Variants in AGTPBP1 observed in about 807,000 individuals in gnomAD.
AGTPBP1 encodes the protein cytosolic carboxypeptidase 1.
Under a neutral mutation model 143.9 loss-of-function variants are expected in AGTPBP1, and 70 were observed. The observed-to-expected ratio is 0.49, with a 90% CI of 0.40 to 0.59. The LOEUF (loss-of-function observed/expected upper bound fraction) is 0.59, where lower values mean the gene tolerates loss of function less well. Ranked by LOEUF, AGTPBP1 falls within the 20% of genes least tolerant of loss-of-function variation. The pLI, the probability that AGTPBP1 is intolerant of heterozygous loss-of-function variation, is 0.00. For missense variants in AGTPBP1, 1,229 were observed against 1,464.5 expected, an observed-to-expected ratio of 0.84 and a Z score of 2.62; for synonymous variants, 463 against 500.2, an observed-to-expected ratio of 0.93 and a Z score of 0.99.
rs554108209 is a variant in AGTPBP1, at chr9:85,612,108, T to C, written c.2335+6875A>G. Among the ~76,000 whole-genome samples, 20 of 152,322 alleles carry C rather than the reference T, an allele frequency of 1.3e-4. No individual in the cohort carries two copies. The South Asian group carries it at 3.5e-3, about 27-fold the overall frequency. On this transcript the variant is annotated intron_variant, in intron 17 of 25. Transcript: ENST00000357081. ...GTGCCAGAAACATCTTTTGTTCTAA[T>C]ATTTGGTCTTTGACCCCACTCCCTG...
At chr9:85,606,794 C>G (rs1027598077) in intron 17 of AGTPBP1, among the ~76,000 whole-genome samples, 4 of 151,912 alleles carry the variant, frequency 2.6e-5, no homozygotes, top group Admixed American at 6.6e-5. Flanking sequence ...TGAAATAAAC[C>G]AGGCATAGAA....
rs1832582585 is a variant in AGTPBP1 at position 85,642,914 on chromosome 9, TTTG to T, written c.1212_1214del (p.Asn404del). 3 of 1,613,340 alleles carry T rather than the reference TTTG, an allele frequency of 1.9e-6. No homozygotes were observed. Among genetic ancestry groups the T allele is most frequent in the Non-Finnish European group, 2.5e-6 (3 of 1,179,640 alleles). ...GTCCCGGTTCTTGCTGGGGTTTTAG[TTTG>T]TTAATATCTGTTTCAATATCATCAT... On this transcript the variant is annotated inframe_deletion, in exon 13 of 26. Coordinates refer to ENST00000357081, the MANE Select transcript of AGTPBP1 (RefSeq NM_001330701.2).
intron 7 of AGTPBP1, among the ~76,000 whole-genome samples, chr9:85,670,878 C>T (rs1375161988): frequency 6.6e-6 from 1 of 151,996 alleles, no homozygotes; most frequent in Non-Finnish European, 1.5e-5. Flanking sequence ...TACTGTATTC[C>T]TTTGACCTTG....
chr9:85,690,542 C>T (rs1218285610), intron 3 of AGTPBP1, among the ~76,000 whole-genome samples: 11 of 127,746 alleles, frequency 8.6e-5, no homozygotes, highest in African/African-American at 9.0e-5. Flanking sequence ...GTCAGGAGTA[C>T]TTTCAGTGGT....
At chr9:85,618,005 C>T (rs954872747) in intron 17 of AGTPBP1, among the ~76,000 whole-genome samples, 1 of 152,086 alleles carries the variant, frequency 6.6e-6, no homozygotes, top group Non-Finnish European at 1.5e-5. Flanking sequence ...TTTGGGAAGC[C>T]AAGGTGGGCA....
chr9:85,584,991 C>G (rs964594487), intron 23 of AGTPBP1, among the ~76,000 whole-genome samples: 2 of 152,004 alleles, frequency 1.3e-5, no homozygotes, highest in Admixed American at 1.3e-4. Context: ...CTAAAATTCA[C>G]AAGTACAGAG....
rs72129899 is a variant in AGTPBP1 at position 85,566,529 on chromosome 9, C to CAAAAAAAAAAAAA, written c.3503+8773_3503+8785dup. Reference sequence around the variant, plus strand: ...TGGGCAACAGATCAAGACCATGTCTCAAAAAAAAAAAAAAAAAAAAGGCTG... The same window carrying CAAAAAAAAAAAAA: ...TGGGCAACAGATCAAGACCATGTCTCAAAAAAAAAAAAAAAAAAAAAAAAAAAAAAAAAGGCTG... On this transcript the variant is annotated intron_variant, in intron 25 of 25. Transcript: ENST00000357081. 6.4e-4 allele frequency among the ~76,000 whole-genome samples: 50 copies of CAAAAAAAAAAAAA among 78,540 alleles called. 2 individuals carry two copies. The highest frequency in any genetic ancestry group is 2.7e-3 in the African/African-American group (46 of 17,270). 51.5% of individuals were successfully genotyped at this position (78,540 alleles called of 152,430 possible). A position where few individuals can be genotyped will look rare whatever the true frequency, so the allele number is the denominator to read the frequency against.
At chr9:85,689,898 CAAAAAAAAA>C (rs1156931410) in intron 3 of AGTPBP1, among the ~76,000 whole-genome samples, 753 of 28,216 alleles carry the variant, frequency 0.027, 14 homozygotes, top group African/African-American at 0.1. Context: ...GACTCTGCCT[CAAAAAAAAA>C]AAAAAAAAAA....
the AGTPBP1 span, among the ~76,000 whole-genome samples, chr9:85,789,646 G>A: frequency 3.9e-5 from 6 of 151,940 alleles, no homozygotes; most frequent in African/African-American, 1.2e-4. Flanking sequence ...GTATTTTTTT[G>A]TTGTTGCCTC....
upstream of AGTPBP1, among the ~76,000 whole-genome samples, chr9:85,742,606 T>C (rs117331900): frequency 0.017 from 2,557 of 152,248 alleles, 39 homozygotes; most frequent in Non-Finnish European, 0.027. Context: ...GCGAACAAAA[T>C]AGCATGCTGA....
chr9:85,621,869 T>C (rs1216610106), intron 14 of AGTPBP1, among the ~76,000 whole-genome samples: 5 of 152,174 alleles, frequency 3.3e-5, no homozygotes. Context: ...AATCTCTCCC[T>C]GAATCAGTCC....
At chr9:85,746,910 G>A (rs960540566), upstream of AGTPBP1, among the ~76,000 whole-genome samples, 6 of 152,120 alleles carry the variant, frequency 3.9e-5, no homozygotes, top group African/African-American at 1.4e-4. Flanking sequence ...TGGAAGTGCG[G>A]TGGCATGATC....
intron 17 of AGTPBP1, among the ~76,000 whole-genome samples, chr9:85,601,951 C>T (rs952549123): frequency 1.3e-5 from 2 of 152,148 alleles, no homozygotes; most frequent in South Asian, 2.1e-4. Flanking sequence ...GAATCAAAGC[C>T]ACAGTGCCCT....
At chr9:85,680,047 TG>T (rs528219579) in intron 4 of AGTPBP1, among the ~76,000 whole-genome samples, 76 of 152,332 alleles carry the variant, frequency 5.0e-4, no homozygotes, top group Middle Eastern at 3.4e-3. Context: ...CTCACTGATC[TG>T]AAATGCTACC....
At chr9:85,618,358 C>T (rs1830715921) in intron 17 of AGTPBP1, among the ~76,000 whole-genome samples, 2 of 152,256 alleles carry the variant, frequency 1.3e-5, no homozygotes, top group South Asian at 4.1e-4. Flanking sequence ...TACACAAGTG[C>T]TTCCAGCAAA....
At chr9:85,618,785 T>C (rs947203370) in intron 17 of AGTPBP1, among the ~76,000 whole-genome samples, 198 bp downstream of exon 17, 2 of 152,200 alleles carry the variant, frequency 1.3e-5, no homozygotes, top group Non-Finnish European at 2.9e-5. Context: ...TTAAAGGACT[T>C]GCCTATATAA....
the AGTPBP1 span, among the ~76,000 whole-genome samples, chr9:85,763,969 TG>T: frequency 1.3e-5 from 2 of 152,180 alleles, no homozygotes; most frequent in Admixed American, 1.3e-4. Flanking sequence ...CCATATTTTC[TG>T]ATCAGAATGA....
intron 25 of AGTPBP1, among the ~76,000 whole-genome samples, chr9:85,556,035 T>C (rs1826317594): frequency 6.6e-6 from 1 of 152,132 alleles, no homozygotes; most frequent in Non-Finnish European, 1.5e-5. Context: ...TATTGGGAAC[T>C]AGTCTTAGTA....
At chr9:85,609,057 C>G (rs1255495682) in intron 17 of AGTPBP1, among the ~76,000 whole-genome samples, 1 of 152,066 alleles carries the variant, frequency 6.6e-6, no homozygotes, top group Non-Finnish European at 1.5e-5. Flanking sequence ...AGAATAAAGC[C>G]TGTGTTATTT....
Sources: allele counts gnomAD v4.1 joint callset (sites outside exome capture counted in the v4.1 genomes callset), GRCh38; gene constraint gnomAD v4.1.1; transcripts MANE v1.5; gene names NCBI Gene and HGNC (gene_info 2026-07-23, HGNC 2026-07-21).